SEMA3D: variants seen among roughly 807,000 people sequenced by gnomAD.
SEMA3D encodes the protein semaphorin 3D.
A neutral mutation model predicts 100.1 loss-of-function variants in SEMA3D; 84 were observed. That is an observed-to-expected ratio of 0.84 (90% CI 0.70 to 1.01). The LOEUF is 1.01. Among genes scored for constraint, SEMA3D ranks in the 50% least tolerant of loss-of-function variants. The probability of loss-of-function intolerance (pLI) is 0.00; values close to 1 mark genes in which losing one functional copy is unlikely to be tolerated. For synonymous variants in SEMA3D, 312 were observed against 320.7 expected (o/e 0.97, Z 0.29); for missense variants, 875 against 934.1 (o/e 0.94, Z 0.82).
At chr7:85,115,098 A>T (rs1247313291) in intron 3 of SEMA3D, among the ~76,000 whole-genome samples, 1 of 152,248 alleles carries the variant, frequency 6.6e-6, no homozygotes, top group East Asian at 1.9e-4. Context: ...GTTGAAAATC[A>T]CATAATCAGT....
At chr7:85,217,799 G>A in the SEMA3D span, among the ~76,000 whole-genome samples, 6 of 151,874 alleles carry the variant, frequency 4.0e-5, no homozygotes, top group Non-Finnish European at 5.9e-5. Flanking sequence ...GGAGATAATC[G>A]CCTTTGATAA....
Position 85,121,929 on chromosome 7 carries a change from A to G in SEMA3D, c.-38T>C, listed in dbSNP as rs1789428862. ...GTTCTCTTTCAAATGGTGTTAATTT[A>G]ATCTAAAAAAGAGTAAAAAAAAAAA... is the stretch of plus-strand genomic sequence containing the variant. On this transcript the variant is annotated splice_region_variant and 5_prime_UTR_variant, in exon 3 of 19. Coordinates refer to ENST00000284136, the MANE Select transcript of SEMA3D (RefSeq NM_001384900.1). 6.9e-7 allele frequency: 1 copy of G among 1,458,904 alleles called. No homozygotes were observed. Among genetic ancestry groups the G allele is most frequent in the East Asian group, 2.4e-5 (1 of 42,086 alleles). 90.4% of individuals were successfully genotyped at this position (1,458,904 alleles called of 1,614,324 possible).
intron 4 of SEMA3D, among the ~76,000 whole-genome samples, chr7:85,083,605 G>T (rs535732194): frequency 6.6e-6 from 1 of 152,222 alleles, no homozygotes; most frequent in Non-Finnish European, 1.5e-5. Flanking sequence ...AGCATTTTGG[G>T]AGGCCGAGGC....
At chr7:85,079,965 G>A (rs1356794753) in intron 5 of SEMA3D, among the ~76,000 whole-genome samples, 1 of 152,128 alleles carries the variant, frequency 6.6e-6, no homozygotes, top group Non-Finnish European at 1.5e-5. Flanking sequence ...CAAAGCCGTG[G>A]GAGGAGAAGA....
chr7:85,236,653 G>C, the SEMA3D span, among the ~76,000 whole-genome samples: 2 of 151,402 alleles, frequency 1.3e-5, no homozygotes, highest in Non-Finnish European at 2.9e-5. Context: ...TAAAATTATT[G>C]GTATACAGAA....
rs557464049 is a variant in SEMA3D, at chr7:85,122,099, T to A, written c.-40-168A>T. Among the ~76,000 whole-genome samples the A allele has an allele frequency of 7.3e-5, 11 of 151,004 alleles. No individual in the cohort carries two copies. The East Asian group carries it at 1.6e-3, about 22-fold the overall frequency. On this transcript the variant is annotated intron_variant, in intron 2 of 18. Coordinates refer to ENST00000284136, the MANE Select transcript of SEMA3D (RefSeq NM_001384900.1). ...CCAGGGCCTGTTGGGGGCTGGGGGC[T>A]GGGGGAGGGAGAGCATTAGGAGAAA...
intron 1 of SEMA3D, among the ~76,000 whole-genome samples, chr7:85,155,219 G>A (rs1790553533): frequency 6.6e-6 from 1 of 151,860 alleles, no homozygotes; most frequent in Non-Finnish European, 1.5e-5. Flanking sequence ...TTCAAAGCAG[G>A]ACAATGATAT....
intron 4 of SEMA3D, among the ~76,000 whole-genome samples, chr7:85,087,159 C>T (rs975512947): frequency 5.9e-5 from 9 of 152,170 alleles, no homozygotes; most frequent in African/African-American, 1.7e-4. Flanking sequence ...GCTGATGCAA[C>T]CGTATTTGTC....
At chr7:85,047,252 G>T (rs1273567387) in intron 9 of SEMA3D, among the ~76,000 whole-genome samples, 1 of 151,846 alleles carries the variant, frequency 6.6e-6, no homozygotes, top group Non-Finnish European at 1.5e-5. Context: ...TTGTATGATG[G>T]TTGCATGTTA....
intron 9 of SEMA3D, among the ~76,000 whole-genome samples, chr7:85,053,501 T>G (rs1258065536): frequency 6.6e-6 from 1 of 152,040 alleles, no homozygotes; most frequent in African/African-American, 2.4e-5. Flanking sequence ...TTTTTGTTAT[T>G]GCTAAAGTTG....
chr7:85,143,143 G>A, intron 2 of SEMA3D: 8 of 981,400 alleles, frequency 8.2e-6, no homozygotes, highest in Non-Finnish European at 9.7e-6. Flanking sequence ...ACACAATTAG[G>A]TATGAAACTG....
At chr7:85,206,192 G>T in the SEMA3D span, among the ~76,000 whole-genome samples, 3 of 152,084 alleles carry the variant, frequency 2.0e-5, no homozygotes, top group Admixed American at 6.6e-5. Flanking sequence ...TCCTCATCAG[G>T]TTTAAATTGG....
At chr7:85,221,466 TCAAA>T in the SEMA3D span, among the ~76,000 whole-genome samples, 1 of 152,076 alleles carries the variant, frequency 6.6e-6, no homozygotes, top group African/African-American at 2.4e-5. Context: ...TTTTCTGGTG[TCAAA>T]CACTGTGTTC....
chr7:85,039,969 C>CTTTTTTTTTTTTTTT (rs776990536), intron 11 of SEMA3D, among the ~76,000 whole-genome samples: 1 of 90,628 alleles, frequency 1.1e-5, no homozygotes, highest in African/African-American at 5.0e-5. Flanking sequence ...TACGCAAACA[C>CTTTTTTTTTTTTTTT]TTTTTTTTTT....
rs909355313 is a variant in SEMA3D at position 85,100,981 on chromosome 7, A to T, written c.152-3016T>A. Among the ~76,000 whole-genome samples the T allele has an allele frequency of 2.0e-5, 3 of 151,914 alleles. No individual in the cohort carries two copies. The East Asian group carries it at 5.8e-4, about 29-fold the overall frequency. ...TACTAATTATTTTTCTATTAAGCTA[A>T]ATACAACTTCAATCATTTTTCAGAC... On this transcript the variant is annotated intron_variant, in intron 3 of 18. Coordinates refer to ENST00000284136, the MANE Select transcript of SEMA3D (RefSeq NM_001384900.1).
intron 12 of SEMA3D, chr7:85,028,465 T>C: frequency 2.7e-6 from 1 of 375,202 alleles, no homozygotes; most frequent in Admixed American, 4.4e-5. Flanking sequence ...TGATCCTCAC[T>C]ATGGAGGATG....
chr7:85,138,805 C>A (rs886989194), intron 2 of SEMA3D, among the ~76,000 whole-genome samples: 1 of 151,558 alleles, frequency 6.6e-6, no homozygotes, highest in Non-Finnish European at 1.5e-5. Flanking sequence ...AATGCTATCC[C>A]TCCCCTGCCC....
intron 11 of SEMA3D, among the ~76,000 whole-genome samples, chr7:85,038,053 G>T (rs561547898): frequency 2.0e-4 from 28 of 141,430 alleles, no homozygotes; most frequent in Non-Finnish European, 3.9e-4. Flanking sequence ...TTGTGGGGTG[G>T]GGGGGAGGGG....
chr7:85,174,460 A>G (rs1380195839), intron 1 of SEMA3D, among the ~76,000 whole-genome samples: 1 of 152,184 alleles, frequency 6.6e-6, no homozygotes, highest in Admixed American at 6.5e-5. Flanking sequence ...CCAAGTTGTC[A>G]CAAGACAAAA....
Sources: allele counts gnomAD v4.1 joint callset (sites outside exome capture counted in the v4.1 genomes callset), GRCh38; gene constraint gnomAD v4.1.1; transcripts MANE v1.5; gene names NCBI Gene and HGNC (gene_info 2026-07-23, HGNC 2026-07-21).